GDA: variants seen among roughly 807,000 people sequenced by gnomAD.
GDA encodes cytoplasmic PSD-95 interactor.
GDA carries 18 observed loss-of-function variants against 59.6 expected under a neutral mutation model. The observed-to-expected ratio is 0.30, with a 90% CI of 0.21 to 0.45. The LOEUF (loss-of-function observed/expected upper bound fraction) is 0.45. GDA is among the 20% of genes least tolerant of loss of function. The probability of loss-of-function intolerance (pLI) is 1.00; values close to 1 mark genes in which losing one functional copy is unlikely to be tolerated. For missense variants in GDA, 427 were observed against 552.3 expected, an observed-to-expected ratio of 0.77 and a Z score of 2.27; for synonymous variants, 201 against 201.1, an observed-to-expected ratio of 1.00 and a Z score of 0.00.
chr9:72,130,813 G>A (rs1587309620), intron 1 of GDA, among the ~76,000 whole-genome samples: 2 of 150,670 alleles, frequency 1.3e-5, no homozygotes, highest in East Asian at 3.8e-4. Context: ...TAAAGGATAT[G>A]GGGAAAATAA....
intron 1 of GDA, among the ~76,000 whole-genome samples, chr9:72,171,382 C>T (rs1260327098): frequency 6.6e-6 from 1 of 152,062 alleles, no homozygotes; most frequent in Non-Finnish European, 1.5e-5. Context: ...GTGTATACTT[C>T]GTATCAGATC....
upstream of GDA, among the ~76,000 whole-genome samples, chr9:72,147,341 G>A (rs573724817): frequency 6.6e-6 from 1 of 152,248 alleles, no homozygotes; most frequent in East Asian, 1.9e-4. Flanking sequence ...CTGAGTAGCT[G>A]GGACTACAGG....
chr9:72,147,452 C>A (rs1329926644), upstream of GDA, among the ~76,000 whole-genome samples: 4 of 152,228 alleles, frequency 2.6e-5, no homozygotes, highest in Non-Finnish European at 5.9e-5. Flanking sequence ...GATCCACCCG[C>A]CTCGGCCTCC....
rs779271384 is a variant in GDA, at chr9:72,210,792, G to C, written c.472+18G>C. The C allele has an allele frequency of 6.8e-7, 1 of 1,476,812 alleles. No individual in the cohort carries two copies. Among genetic ancestry groups the C allele is most frequent in the South Asian group, 1.1e-5 (1 of 88,182 alleles). 91.5% of individuals were successfully genotyped at this position (1,476,812 alleles called of 1,614,324 possible). On this transcript the variant is annotated intron_variant, in intron 4 of 13. Transcript: ENST00000358399. ...CATTACAGGTGAGCAAATGAAGCAT[G>C]ATTTATGGGCACCTCAAGCAAAGAC... is the stretch of plus-strand genomic sequence containing the variant.
In GDA at chr9:72,212,037, G is replaced by A. The variant is rs543775361; in HGVS notation, c.472+1263G>A. ...CTCTTATGACAGAGATGGAGACACTGTAAAAACAATTACCATTGTCCCATA... is the reference window on the plus strand; with the variant it reads ...CTCTTATGACAGAGATGGAGACACTATAAAAACAATTACCATTGTCCCATA... On this transcript the variant is annotated intron_variant, in intron 4 of 13. Coordinates refer to ENST00000358399, the MANE Select transcript of GDA (RefSeq NM_004293.5). Among the ~76,000 whole-genome samples, 25 of 152,322 alleles carry A rather than the reference G, an allele frequency of 1.6e-4. No homozygotes were observed. The South Asian group carries it at 5.2e-3, about 32-fold the overall frequency.
At chr9:72,228,818 G>A (rs1837930343) in intron 9 of GDA, 1 of 152,358 alleles carries the variant, frequency 6.6e-6, no homozygotes, top group Non-Finnish European at 1.5e-5. Flanking sequence ...AACCCGGGAG[G>A]CGGAGGTTGC....
At chr9:72,223,728 G>A (rs1837195993) in intron 7 of GDA, among the ~76,000 whole-genome samples, 1 of 152,140 alleles carries the variant, frequency 6.6e-6, no homozygotes, top group Middle Eastern at 3.2e-3. Context: ...GAACAAAAAA[G>A]TATACCTTGC....
chr9:72,213,248 C>T (rs1420829864), intron 4 of GDA, among the ~76,000 whole-genome samples: 1 of 152,056 alleles, frequency 6.6e-6, no homozygotes, highest in Non-Finnish European at 1.5e-5. Flanking sequence ...AGGCTGGTGA[C>T]AGAGTGAGAC....
Position 72,222,783 on chromosome 9 carries a change from C to A in GDA, c.607-337C>A, listed in dbSNP as rs1034424685. Among the ~76,000 whole-genome samples the A allele has an allele frequency of 4.0e-5, 6 of 150,748 alleles. No homozygotes were observed. The East Asian group carries it at 1.2e-3, about 30-fold the overall frequency. ...GTGCAATGGTGAGATCTCGGCTCAC[C>A]ACAACCTCCGCCTCCTAGGTTCAAG... On this transcript the variant is annotated intron_variant, in intron 6 of 13. Coordinates refer to ENST00000358399, the MANE Select transcript of GDA (RefSeq NM_004293.5).
At chr9:72,140,688 T>C (rs1162095894) in intron 1 of GDA, among the ~76,000 whole-genome samples, 2 of 152,174 alleles carry the variant, frequency 1.3e-5, no homozygotes, top group Non-Finnish European at 2.9e-5. Context: ...GAAATAAGTA[T>C]AGCAAAATGT....
At chr9:72,167,379 C>A (rs534256055) in intron 1 of GDA, among the ~76,000 whole-genome samples, 3 of 152,256 alleles carry the variant, frequency 2.0e-5, no homozygotes, top group South Asian at 4.2e-4. Flanking sequence ...TTAAAGCCTT[C>A]TTCCTTGCCA....
At chr9:72,119,122 T>C (rs1052288078) in intron 1 of GDA, among the ~76,000 whole-genome samples, 1 of 152,234 alleles carries the variant, frequency 6.6e-6, no homozygotes, top group African/African-American at 2.4e-5. Flanking sequence ...ATAAAGATGT[T>C]ATCCTATGGT....
chr9:72,115,223 A>G (rs1825395651), intron 1 of GDA, among the ~76,000 whole-genome samples: 12 of 152,230 alleles, frequency 7.9e-5, no homozygotes, highest in Admixed American at 7.9e-4. Flanking sequence ...AGCTCAAGCC[A>G]TTCTCAAAAA....
intron 2 of GDA, among the ~76,000 whole-genome samples, chr9:72,196,555 T>A (rs1833208417): frequency 6.6e-6 from 1 of 152,148 alleles, no homozygotes; most frequent in African/African-American, 2.4e-5. Context: ...GGAAAACTTT[T>A]TTTGATTATA....
chr9:72,253,259 G>A (rs1429648754), downstream of GDA: 1 of 152,156 alleles, frequency 6.6e-6, no homozygotes, highest in Non-Finnish European at 1.5e-5. Context: ...ACTGTAGAAT[G>A]TGCTGGAAAT....
At chr9:72,179,088 A>G (rs1478536410) in intron 1 of GDA, among the ~76,000 whole-genome samples, 1 of 152,252 alleles carries the variant, frequency 6.6e-6, no homozygotes, top group Non-Finnish European at 1.5e-5. Context: ...TACTTCCCTC[A>G]TCCTATTAAT....
Position 72,205,672 on chromosome 9 carries a change from C to G in GDA, c.384+2930C>G, listed in dbSNP as rs553860312. Among the ~76,000 whole-genome samples, 3 of 152,320 alleles carry G rather than the reference C, an allele frequency of 2.0e-5. No homozygotes were observed. In the South Asian group the frequency reaches 6.2e-4, roughly 32 times the overall value. ...TTGGCACCTGTGACTGGCTAGAGCT[C>G]AGCTGCTGTGATTGGCTGAGACTCA... is the stretch of plus-strand genomic sequence containing the variant. On this transcript the variant is annotated intron_variant, in intron 3 of 13. Transcript: ENST00000358399.
At position 72,249,582 on chromosome 9, in the gene GDA, G is replaced by A. The variant is rs1840487959; in HGVS notation, c.*1240G>A. On this transcript the variant is annotated 3_prime_UTR_variant, in exon 14 of 14. Coordinates refer to ENST00000358399, the MANE Select transcript of GDA (RefSeq NM_004293.5). Reference sequence around the variant, plus strand: ...ACATCTAGGAACATTACAAAGCAAAGACTATTTTTATGCTTCCATAACCTA... The same window carrying A: ...ACATCTAGGAACATTACAAAGCAAAAACTATTTTTATGCTTCCATAACCTA... The A allele has an allele frequency of 1.6e-6, 1 of 634,316 alleles. No individual in the cohort carries two copies. 39.3% of individuals were successfully genotyped at this position (634,316 alleles called of 1,614,324 possible).
At chr9:72,117,338 T>C (rs961753421) in intron 1 of GDA, among the ~76,000 whole-genome samples, 4 of 152,174 alleles carry the variant, frequency 2.6e-5, no homozygotes, top group African/African-American at 9.7e-5. Context: ...CTTTGATTTT[T>C]TTCCTGAGTG....
Sources: allele counts gnomAD v4.1 joint callset (sites outside exome capture counted in the v4.1 genomes callset), GRCh38; gene constraint gnomAD v4.1.1; transcripts MANE v1.5; gene names NCBI Gene and HGNC (gene_info 2026-07-23, HGNC 2026-07-21).